TRPM7: variants seen among roughly 807,000 people sequenced by gnomAD.
TRPM7 encodes the protein transient receptor potential cation channel subfamily M member 7.
TRPM7 carries 134 observed loss-of-function variants against 229.7 expected under a neutral mutation model. The observed-to-expected ratio is 0.58, with a 90% CI of 0.51 to 0.67. The LOEUF (loss-of-function observed/expected upper bound fraction) is 0.67, where lower values mean the gene tolerates loss of function less well. Among genes scored for constraint, TRPM7 ranks in the 30% least tolerant of loss-of-function variants. The pLI, the probability that TRPM7 is intolerant of heterozygous loss-of-function variation, is 0.00. For missense variants in TRPM7, 1,901 were observed against 2,210.0 expected, an observed-to-expected ratio of 0.86 and a Z score of 2.80; for synonymous variants, 699 against 715.2, an observed-to-expected ratio of 0.98 and a Z score of 0.36.
At position 50,559,497 on chromosome 15, in the gene TRPM7, C is replaced by CAAACAAA. The variant is rs2053231572; in HGVS notation, c.*2174_*2180dup. On this transcript the variant is annotated 3_prime_UTR_variant, in exon 39 of 39. Transcript: ENST00000646667. ...CATGAGCCACCATGCCCCACCAAGA[C>CAAACAAA]AAACAAAACAAAACAAAACAAAACA... 2 of 149,578 alleles carry CAAACAAA rather than the reference C, an allele frequency of 1.3e-5. No homozygotes were observed. Among genetic ancestry groups the CAAACAAA allele is most frequent in the South Asian group, 4.3e-4 (2 of 4,604 alleles). 9.3% of individuals were successfully genotyped at this position (149,578 alleles called of 1,614,324 possible). A position where few individuals can be genotyped will look rare whatever the true frequency, so the allele number is the denominator to read the frequency against.
intron 12 of TRPM7, among the ~76,000 whole-genome samples, chr15:50,621,663 A>C (rs936998776): frequency 2.0e-5 from 3 of 152,204 alleles, no homozygotes; most frequent in African/African-American, 7.2e-5. Flanking sequence ...AGCTGCTTTT[A>C]TAAGGCTAGA....
At chr15:50,679,538 A>ATTTTTTTTTTTTTTT (rs58783893) in intron 1 of TRPM7, among the ~76,000 whole-genome samples, 4 of 43,904 alleles carry the variant, frequency 9.1e-5, no homozygotes, top group African/African-American at 4.3e-4. Context: ...ATATATATAT[A>ATTTTTTTTTTTTTTT]TTTTTTTTTT....
At chr15:50,624,116 T>C in intron 12 of TRPM7, 50 bp downstream of exon 12, 1 of 1,548,686 alleles carries the variant, frequency 6.5e-7, no homozygotes, top group Non-Finnish European at 8.7e-7. Flanking sequence ...TAAAGTAACA[T>C]TTCCCAAAAG....
At chr15:50,587,076 A>C (rs774139118) in intron 27 of TRPM7, among the ~76,000 whole-genome samples, 1 of 152,126 alleles carries the variant, frequency 6.6e-6, no homozygotes, top group Non-Finnish European at 1.5e-5. Context: ...AAAATATACA[A>C]AACTGTGGAG....
intron 36 of TRPM7, among the ~76,000 whole-genome samples, chr15:50,572,940 T>C (rs1270143257): frequency 6.6e-6 from 1 of 152,222 alleles, no homozygotes; most frequent in Non-Finnish European, 1.5e-5. Flanking sequence ...AGAAAAATTA[T>C]GGAAGCCATA....
chr15:50,660,615 T>C (rs7174877), intron 2 of TRPM7, among the ~76,000 whole-genome samples: 4,554 of 152,250 alleles, frequency 0.03, 249 homozygotes, highest in African/African-American at 0.1. Context: ...TCTCCCAAAG[T>C]GCTGGAATTA....
Position 50,654,221 on chromosome 15 carries a change from G to A in TRPM7, c.122+3560C>T, listed in dbSNP as rs28372083. 3.5e-3 allele frequency among the ~76,000 whole-genome samples: 531 copies of A among 151,772 alleles called. 6 individuals carry two copies. Among genetic ancestry groups the A allele is most frequent in the African/African-American group, 0.012 (513 of 41,472 alleles). On this transcript the variant is annotated intron_variant, in intron 3 of 38. Transcript: ENST00000646667. ...AGCACTTTGGGAGGCCAAGGCGGGC[G>A]GATCACCTGAGGTCAGGAGTTCCAG...
At chr15:50,612,926 C>T in intron 15 of TRPM7, 97 bp from the exon 16 acceptor site, 1 of 998,538 alleles carries the variant, frequency 1.0e-6, no homozygotes, top group Non-Finnish European at 1.4e-6. Context: ...CATTATTCAG[C>T]TCCATAAAAC....
intron 4 of TRPM7, among the ~76,000 whole-genome samples, chr15:50,647,527 T>A (rs939778443): frequency 2.6e-5 from 4 of 152,070 alleles, no homozygotes; most frequent in Middle Eastern, 3.2e-3. Context: ...GGGCAGATCA[T>A]GAGGTCAGGA....
Position 50,651,784 on chromosome 15 carries a change from G to A in TRPM7, c.123-2899C>T, listed in dbSNP as rs962749312. Among the ~76,000 whole-genome samples, 4 of 152,064 alleles carry A rather than the reference G, an allele frequency of 2.6e-5. No individual in the cohort carries two copies. The East Asian group carries it at 7.7e-4, about 29-fold the overall frequency. On this transcript the variant is annotated intron_variant, in intron 3 of 38. Transcript: ENST00000646667. The stretch of plus-strand genomic sequence containing the variant: ...AGTCGCCTGTAATCCCAGCTACTCG[G>A]GAGGCTGAGGCAGAATTACTTGAAC...
At chr15:50,663,849 G>A (rs980339682) in intron 1 of TRPM7, among the ~76,000 whole-genome samples, 6 of 152,132 alleles carry the variant, frequency 3.9e-5, no homozygotes, top group African/African-American at 1.4e-4. Context: ...TGTAGTCCCA[G>A]CTACTTGGAA....
At position 50,609,951 on chromosome 15, in the gene TRPM7, CTTAGTATGA is replaced by C; in HGVS notation, c.2282_2290del (p.Val761_Ser764delinsGly). On this transcript the variant is annotated inframe_deletion and splice_region_variant, in exon 18 of 39. Coordinates refer to ENST00000646667, the MANE Select transcript of TRPM7 (RefSeq NM_017672.6). ...CAATATGGCAGGTGGAACTAAAATG[CTTAGTATGA>C]CCTAAATTTTTAGAAACATAATTTT... is the stretch of plus-strand genomic sequence containing the variant. 2.5e-6 allele frequency: 4 copies of C among 1,597,938 alleles called. No individual in the cohort carries two copies. Among genetic ancestry groups the C allele is most frequent in the Non-Finnish European group, 2.6e-6 (3 of 1,172,618 alleles).
intron 3 of TRPM7, among the ~76,000 whole-genome samples, chr15:50,653,829 T>C (rs769582312): frequency 7.2e-5 from 11 of 152,202 alleles, no homozygotes; most frequent in Non-Finnish European, 1.6e-4. Flanking sequence ...TGAGAGATTC[T>C]GTGATGCCTA....
Position 50,599,104 on chromosome 15 carries a change from T to G in TRPM7, c.3163+18A>C, listed in dbSNP as rs2059708650. The G allele has an allele frequency of 6.5e-7, 1 of 1,550,370 alleles. No individual in the cohort carries two copies. ...ACAAAATAACCAAAAGATAAATCTG[T>G]AAATATACAATTCTTACCATCAATT... On this transcript the variant is annotated intron_variant, in intron 22 of 38. Transcript: ENST00000646667.
chr15:50,583,438 T>G (rs1288155106), intron 28 of TRPM7, among the ~76,000 whole-genome samples: 1 of 152,122 alleles, frequency 6.6e-6, no homozygotes, highest in African/African-American at 2.4e-5. Flanking sequence ...CTGGGGACAG[T>G]AAAGGTAATT....
Position 50,643,464 on chromosome 15 carries a change from G to C in TRPM7, c.411C>G (p.Ile137Met), listed in dbSNP as rs751791368. 1.9e-6 allele frequency: 3 copies of C among 1,614,150 alleles called. No homozygotes were observed. Among genetic ancestry groups the C allele is most frequent in the Non-Finnish European group, 2.5e-6 (3 of 1,180,024 alleles). ...EWQMELPKLV[I>M]SVHGGMQKFE... is the part of the protein sequence containing the mutation. ...ATTTCTGCATGCCCCCATGTACAGA[G>C]ATAACAAGTTTGGGTAACTCCATTT... is the stretch of plus-strand genomic sequence containing the variant. The change falls in exon 5 of 39, where the codon ATC becomes ATG. Residue 137 changes from isoleucine to methionine, a missense_variant. Physicochemically the swap from Ile to Met is conservative, Grantham distance 10. Transcript: ENST00000646667.
chr15:50,670,865 CCAAAACGTGT>C (rs2061973004), intron 1 of TRPM7, among the ~76,000 whole-genome samples: 1 of 150,058 alleles, frequency 6.7e-6, no homozygotes, highest in Non-Finnish European at 1.5e-5. Context: ...CAACTCTGTG[CCAAAACGTGT>C]CAAAACATAT....
chr15:50,643,012 C>T (rs1308176233), intron 5 of TRPM7, among the ~76,000 whole-genome samples: 1 of 152,110 alleles, frequency 6.6e-6, no homozygotes, highest in African/African-American at 2.4e-5. Context: ...AATTTAAGGG[C>T]CGGGCGTGGT....
rs183591326 is a variant in TRPM7 at position 50,635,159 on chromosome 15, T to C, written c.833-603A>G. 1.4e-3 allele frequency among the ~76,000 whole-genome samples: 205 copies of C among 148,738 alleles called. 2 individuals are homozygous for C. The East Asian group carries it at 0.034, about 25-fold the overall frequency. On this transcript the variant is annotated intron_variant, in intron 7 of 38. Coordinates refer to ENST00000646667, the MANE Select transcript of TRPM7 (RefSeq NM_017672.6). ...AGTGAAACCCTGTCTCTACTGAAAATACAAAAAATTAACCAGGTGTGGTGG... is the reference window on the plus strand; with the variant it reads ...AGTGAAACCCTGTCTCTACTGAAAACACAAAAAATTAACCAGGTGTGGTGG...
Sources: allele counts gnomAD v4.1 joint callset (sites outside exome capture counted in the v4.1 genomes callset), GRCh38; gene constraint gnomAD v4.1.1; transcripts MANE v1.5; gene names NCBI Gene and HGNC (gene_info 2026-07-23, HGNC 2026-07-21).